The following ZNF445 variants were observed in gnomAD, a reference collection of about 807,000 sequenced individuals.
The protein encoded by ZNF445 is zinc finger protein 445, also known as zinc finger protein 168.
In ZNF445, 19 loss-of-function variants were observed where a neutral mutation model predicts 93.9. The ratio of observed to expected loss-of-function variants is 0.20; its 90% CI spans 0.14 to 0.30. The LOEUF is 0.30. ZNF445 is among the 10% of genes least tolerant of loss of function. ZNF445 has a pLI of 1.00. For missense variants in ZNF445, 1,058 were observed against 1,259.4 expected, an observed-to-expected ratio of 0.84 and a Z score of 2.42; for synonymous variants, 449 against 446.3, an observed-to-expected ratio of 1.01 and a Z score of -0.08.
In ZNF445 at chr3:44,435,526, G is replaced by A. The variant is rs926957494; in HGVS notation, c.*11049C>T. On this transcript the variant is annotated 3_prime_UTR_variant, in exon 8 of 8. Coordinates refer to ENST00000396077, the MANE Select transcript of ZNF445 (RefSeq NM_181489.6). ...TGTCTTCTGCACAGGCTGAGTAGGT[G>A]AGCTAAGTGGAGATGTGTTCCCGTC... 6.6e-6 allele frequency: 1 copy of A among 152,198 alleles called. No individual in the cohort carries two copies. The highest frequency in any genetic ancestry group is 1.5e-5 in the Non-Finnish European group (1 of 68,036). 9.4% of individuals were successfully genotyped at this position (152,198 alleles called of 1,614,324 possible).
chr3:44,463,017 G>A (rs1332659287), intron 1 of ZNF445, among the ~76,000 whole-genome samples: 1 of 14,414 alleles, frequency 6.9e-5, no homozygotes, highest in African/African-American at 2.4e-4. Flanking sequence ...TTCTTTGTGT[G>A]TGTGTGTGTG....
At chr3:44,461,924 A>AT (rs1053829458) in intron 1 of ZNF445, among the ~76,000 whole-genome samples, 4 of 152,216 alleles carry the variant, frequency 2.6e-5, no homozygotes, top group African/African-American at 9.7e-5. Context: ...CTTCTGGAAG[A>AT]TGCAGAGAAA....
At chr3:44,450,375 C>T (rs999488114) in intron 6 of ZNF445, 72 bp downstream of exon 6, 12 of 1,602,710 alleles carry the variant, frequency 7.5e-6, no homozygotes, top group Middle Eastern at 3.8e-4. Flanking sequence ...AGGTACCTTT[C>T]TATGCAGCAC....
intron 3 of ZNF445, among the ~76,000 whole-genome samples, chr3:44,453,578 A>G (rs1338012369): frequency 6.6e-6 from 1 of 152,200 alleles, no homozygotes; most frequent in Admixed American, 6.5e-5. Context: ...TACAGGAGTG[A>G]GCCACCACGC....
At chr3:44,450,138 T>A (rs978957100) in intron 6 of ZNF445, 3 of 366,554 alleles carry the variant, frequency 8.2e-6, no homozygotes, top group African/African-American at 6.3e-5. Context: ...GGGGTTTCAC[T>A]ATGTTGCCCA....
chr3:44,456,903 G>A (rs1447238950), intron 2 of ZNF445, among the ~76,000 whole-genome samples: 2 of 152,122 alleles, frequency 1.3e-5, no homozygotes, highest in Admixed American at 6.5e-5. Context: ...CGAAGTGGGC[G>A]GACTGCTTGA....
At chr3:44,464,729 T>C (rs1698167296) in intron 1 of ZNF445, among the ~76,000 whole-genome samples, 1 of 152,156 alleles carries the variant, frequency 6.6e-6, no homozygotes, top group South Asian at 2.1e-4. Context: ...GCCATGCCCG[T>C]TGGCTATGCT....
chr3:44,470,801 G>A (rs1360479500), intron 1 of ZNF445, among the ~76,000 whole-genome samples: 5 of 152,124 alleles, frequency 3.3e-5, no homozygotes, highest in Non-Finnish European at 5.9e-5. Flanking sequence ...GTAGCAACTC[G>A]TAGGATTGAA....
At position 44,448,645 on chromosome 3, in the gene ZNF445, C is replaced by T. The variant is rs201633347; in HGVS notation, c.1026G>A (p.Ala342=). The T allele has an allele frequency of 1.9e-5, 31 of 1,614,204 alleles. No homozygotes were observed. Among genetic ancestry groups the T allele is most frequent in the African/African-American group, 1.3e-4 (10 of 75,058 alleles). Residue 342 remains alanine (A), a synonymous_variant, in exon 8 of 8, where the codon GCG becomes GCA. Transcript: ENST00000396077. ...GCCCAATTCCCTCAGAAACACTTGT[C>T]GCAGGACATCCTGATGACACAGCTA... ...ETLAVSSGCP[A]TSVSEGIGLR...
intron 1 of ZNF445, among the ~76,000 whole-genome samples, chr3:44,465,913 CA>C (rs538472819): frequency 6.7e-6 from 1 of 150,254 alleles, no homozygotes; most frequent in Non-Finnish European, 1.5e-5. Context: ...GACTTCGTCT[CA>C]AAAAAAAACC....
rs1697794672 is a variant in ZNF445, at chr3:44,440,663, G to T, written c.*5912C>A. The stretch of plus-strand genomic sequence containing the variant: ...AGTTCTTGGACCTTGCTCAAGAAAA[G>T]AATTCGGGCGAGTCCACAAAGTGAA... On this transcript the variant is annotated 3_prime_UTR_variant, in exon 8 of 8. Coordinates refer to ENST00000396077, the MANE Select transcript of ZNF445 (RefSeq NM_181489.6). The T allele has an allele frequency of 6.6e-6, 1 of 152,176 alleles. No individual in the cohort carries two copies. The highest frequency in any genetic ancestry group is 1.9e-4 in the East Asian group (1 of 5,194). 9.4% of individuals were successfully genotyped at this position (152,176 alleles called of 1,614,324 possible). A position where few individuals can be genotyped will look rare whatever the true frequency, so the allele number is the denominator to read the frequency against.
chr3:44,455,050 C>A, intron 3 of ZNF445, 71 bp downstream of exon 3: 1 of 1,590,186 alleles, frequency 6.3e-7, no homozygotes, highest in Non-Finnish European at 8.6e-7. Flanking sequence ...AGAGGGCCAC[C>A]CCCATCCCCA....
intron 1 of ZNF445, among the ~76,000 whole-genome samples, chr3:44,474,926 G>A (rs1269212103): frequency 1.3e-5 from 2 of 151,958 alleles, no homozygotes; most frequent in East Asian, 3.9e-4. Flanking sequence ...GAGGTCAGGA[G>A]TTTGAGACTA....
intron 4 of ZNF445, among the ~76,000 whole-genome samples, 175 bp from the exon 5 acceptor site, chr3:44,451,137 G>A (rs1013043322): frequency 6.6e-6 from 1 of 152,104 alleles, no homozygotes; most frequent in Non-Finnish European, 1.5e-5. Context: ...TGGGATGGGG[G>A]GTGTAATGGG....
chr3:44,475,971 C>A (rs953900842), intron 1 of ZNF445, among the ~76,000 whole-genome samples: 15 of 151,842 alleles, frequency 9.9e-5, no homozygotes, highest in African/African-American at 3.4e-4. Context: ...TGCACTCCAG[C>A]CTGGGCAACA....
At chr3:44,457,186 T>G (rs1156260363) in intron 2 of ZNF445, among the ~76,000 whole-genome samples, 1 of 152,176 alleles carries the variant, frequency 6.6e-6, no homozygotes, top group Non-Finnish European at 1.5e-5. Context: ...GAATGTTTGT[T>G]TCTTCATACC....
chr3:44,433,668 G>C lies in ZNF445; in HGVS notation c.*12907C>G, dbSNP rs1297947840. ...CTTAGAGGAGCCGGACCTGCAGAGA[G>C]AGAGTGGGAAAGTGGAGAACCATCA... On this transcript the variant is annotated 3_prime_UTR_variant, in exon 8 of 8. Transcript: ENST00000396077. 1 of 152,258 alleles carries C rather than the reference G, an allele frequency of 6.6e-6. No homozygotes were observed. The highest frequency in any genetic ancestry group is 1.5e-5 in the Non-Finnish European group (1 of 68,100). 9.4% of individuals were successfully genotyped at this position (152,258 alleles called of 1,614,324 possible).
intron 1 of ZNF445, among the ~76,000 whole-genome samples, chr3:44,470,097 CT>C (rs1050656715): frequency 6.6e-6 from 1 of 151,802 alleles, no homozygotes; most frequent in Non-Finnish European, 1.5e-5. Context: ...CTCTGCCTGA[CT>C]TTTTTTTAGC....
chr3:44,448,449 C>T lies in ZNF445; in HGVS notation c.1222G>A (p.Gly408Arg). The change falls in exon 8 of 8, where the codon GGA becomes AGA. Residue 408 changes from glycine (G) to arginine (R), a missense_variant. Physicochemically the swap from Gly to Arg is moderately radical, Grantham distance 125. Coordinates refer to ENST00000396077, the MANE Select transcript of ZNF445 (RefSeq NM_181489.6). ...LKHVTYLRVS[G>R]RKESLKHGCG... ...CCATGTTTAAGGGATTCCTTTCTTC[C>T]AGAAACTCTCAAATATGTAACATGT... 1 of 1,613,914 alleles carries T rather than the reference C, an allele frequency of 6.2e-7. No homozygotes were observed. The highest frequency in any genetic ancestry group is 8.5e-7 in the Non-Finnish European group (1 of 1,179,986).
Sources: allele counts gnomAD v4.1 joint callset (sites outside exome capture counted in the v4.1 genomes callset), GRCh38; gene constraint gnomAD v4.1.1; transcripts MANE v1.5; gene names NCBI Gene and HGNC (gene_info 2026-07-23, HGNC 2026-07-21).